The following SIPA1L3 variants were observed in gnomAD, a reference collection of about 807,000 sequenced individuals.
The protein encoded by SIPA1L3 is signal-induced proliferation-associated 1-like protein 3.
A neutral mutation model predicts 150.1 loss-of-function variants in SIPA1L3; 59 were observed. The ratio of observed to expected loss-of-function variants is 0.39; its 90% CI spans 0.32 to 0.49. The LOEUF (loss-of-function observed/expected upper bound fraction) is 0.49, where lower values mean the gene tolerates loss of function less well. Ranked by LOEUF, SIPA1L3 falls within the 20% of genes least tolerant of loss-of-function variation. The pLI, the probability that SIPA1L3 is intolerant of heterozygous loss-of-function variation, is 0.86. For missense variants in SIPA1L3, 2,211 were observed against 2,489.5 expected (o/e 0.89, Z 2.38); for synonymous variants, 1,070 against 1,077.6 (o/e 0.99, Z 0.14).
rs1969995176 is a variant in SIPA1L3 at position 38,081,979 on chromosome 19, C to G, written c.414C>G (p.Phe138Leu). Residue 138 changes from phenylalanine to leucine, a missense_variant, in exon 3 of 22, where the codon TTC becomes TTG. Phe to Leu is a conservative substitution (Grantham distance 22). Around this residue, in one of 5 missense-constraint regions of SIPA1L3, gnomAD observed 587 missense variants for 534.5 expected, o/e 1.10. Transcript: ENST00000222345. Reference sequence around the variant, plus strand: ...CGGCTTCCTCAGGGTCCAAAGCCTTCCACCGACTCTCCAGGAGAAGGTCCA... The same window carrying G: ...CGGCTTCCTCAGGGTCCAAAGCCTTGCACCGACTCTCCAGGAGAAGGTCCA... Reference protein sequence around the residue: ...STPASSGSKAFHRLSRRRSKD... With the variant: ...STPASSGSKALHRLSRRRSKD... The G allele has an allele frequency of 1.9e-6, 3 of 1,614,024 alleles. No individual in the cohort carries two copies. The Admixed American group carries it at 5.0e-5, about 27-fold the overall frequency.
intron 10 of SIPA1L3, among the ~76,000 whole-genome samples, chr19:38,132,541 GC>G (rs1319678686): frequency 7.0e-6 from 1 of 143,140 alleles, no homozygotes; most frequent in Non-Finnish European, 1.5e-5. Flanking sequence ...CTGAGATCGT[GC>G]CATTGCACTC....
chr19:37,940,913 T>C (rs1394421442), intron 1 of SIPA1L3, among the ~76,000 whole-genome samples: 2 of 152,090 alleles, frequency 1.3e-5, no homozygotes, highest in Non-Finnish European at 2.9e-5. Context: ...TTGCAGTTTA[T>C]ATGTTCAGAA....
rs540975039 is a variant in SIPA1L3 at position 38,047,780 on chromosome 19, G to T, written c.-311+18624G>T. On this transcript the variant is annotated intron_variant, in intron 2 of 21. Coordinates refer to ENST00000222345, the MANE Select transcript of SIPA1L3 (RefSeq NM_015073.3). The surrounding 1 kb of genome is among the most constrained non-coding windows in gnomAD (Gnocchi z 4.7). The stretch of plus-strand genomic sequence containing the variant: ...CACGTGTCATTTTAGAGACCCCAGC[G>T]GCAGTCCAGATCCTGAAGTCCGACC... Among the ~76,000 whole-genome samples, 1 of 152,136 alleles carries T rather than the reference G, an allele frequency of 6.6e-6. No homozygotes were observed. The highest frequency in any genetic ancestry group is 1.5e-5 in the Non-Finnish European group (1 of 68,036).
intron 1 of SIPA1L3, among the ~76,000 whole-genome samples, chr19:37,977,891 G>C (rs1967111538): frequency 6.6e-6 from 1 of 152,198 alleles, no homozygotes; most frequent in East Asian, 1.9e-4. Flanking sequence ...CTGGCCTTTA[G>C]GAGGTCCTTC....
intron 9 of SIPA1L3, among the ~76,000 whole-genome samples, chr19:38,121,187 T>TAAA (rs1487526020): frequency 6.6e-6 from 1 of 150,714 alleles, no homozygotes; most frequent in East Asian, 2.0e-4. Flanking sequence ...AAAAAAAAAA[T>TAAA]AAAAAAATAA....
intron 1 of SIPA1L3, among the ~76,000 whole-genome samples, chr19:37,994,627 G>A (rs538313916): frequency 6.6e-6 from 1 of 152,312 alleles, no homozygotes; most frequent in South Asian, 2.1e-4. Flanking sequence ...AGTGTTTATC[G>A]CTAGCGCCTT....
intron 9 of SIPA1L3, among the ~76,000 whole-genome samples, chr19:38,128,823 G>T (rs1971238896): frequency 6.6e-6 from 1 of 152,118 alleles, no homozygotes; most frequent in Non-Finnish European, 1.5e-5. Context: ...CTTGAACCAG[G>T]GAGGCGGAGG....
Position 38,082,025 on chromosome 19 carries a change from G to A in SIPA1L3, c.460G>A (p.Gly154Arg), listed in dbSNP as rs764251633. 11 of 1,613,998 alleles carry A rather than the reference G, an allele frequency of 6.8e-6. No homozygotes were observed. In the African/African-American group the frequency reaches 1.3e-4, roughly 20 times the overall value. The change falls in exon 3 of 22, where the codon GGG becomes AGG. Residue 154 changes from glycine to arginine, a missense_variant. Physicochemically the swap from Gly to Arg is moderately radical, Grantham distance 125. Coordinates refer to ENST00000222345, the MANE Select transcript of SIPA1L3 (RefSeq NM_015073.3). ...GTCCAAAGACGTGGAGTTCCAGGAC[G>A]GGTGGCCCCGGTCCCCCGGCAGGGC... ...RRSKDVEFQD[G>R]WPRSPGRAFL...
chr19:38,105,325 A>G (rs1020840652), intron 6 of SIPA1L3, among the ~76,000 whole-genome samples: 3 of 151,802 alleles, frequency 2.0e-5, no homozygotes, highest in Non-Finnish European at 4.4e-5. Context: ...ACATTGCGCC[A>G]TTGCTCTCCA....
chr19:38,186,314 T>G (rs1467276262), intron 16 of SIPA1L3: 1 of 151,956 alleles, frequency 6.6e-6, no homozygotes, highest in Admixed American at 6.6e-5. Flanking sequence ...ATCTATTTAT[T>G]TTATTTATTT....
chr19:38,151,757 G>A lies in SIPA1L3; in HGVS notation c.3534-1083G>A, dbSNP rs535561806. Among the ~76,000 whole-genome samples the A allele has an allele frequency of 9.2e-5, 14 of 152,150 alleles. No individual in the cohort carries two copies. In the South Asian group the frequency reaches 2.9e-3, roughly 32 times the overall value. ...GTAGGCAAATCGCTTGGGCCCAGGA[G>A]TTCAAGACCAGCCTGGGCAACATGG... is the stretch of plus-strand genomic sequence containing the variant. On this transcript the variant is annotated intron_variant, in intron 12 of 21. Coordinates refer to ENST00000222345, the MANE Select transcript of SIPA1L3 (RefSeq NM_015073.3).
intron 7 of SIPA1L3, among the ~76,000 whole-genome samples, chr19:38,108,110 G>C (rs993319428): frequency 2.0e-5 from 3 of 152,148 alleles, no homozygotes; most frequent in African/African-American, 7.2e-5. Context: ...TTGAGTCCCT[G>C]CTGTGTAAAA....
intron 1 of SIPA1L3, among the ~76,000 whole-genome samples, chr19:37,936,764 A>G (rs1212548089): frequency 1.3e-5 from 2 of 152,182 alleles, no homozygotes; most frequent in Non-Finnish European, 2.9e-5. Context: ...GCATGTACTG[A>G]ACCATTTGGC....
At position 38,192,145 on chromosome 19, in the gene SIPA1L3, G is replaced by A. The variant is rs748604978; in HGVS notation, c.4431G>A (p.Lys1477=). 9.4e-6 allele frequency: 15 copies of A among 1,599,460 alleles called. No individual in the cohort carries two copies. The highest frequency in any genetic ancestry group is 1.3e-5 in the Non-Finnish European group (15 of 1,173,598). Residue 1477 remains lysine, a splice_region_variant and synonymous_variant, in exon 17 of 22, where the codon AAG becomes AAA. Transcript: ENST00000222345. ...PRPLPFSDPK[K]QVDTNTKNVF... ...TCTGACCCTGACGCTGTCATTCCAG[G>A]CAGGTGGACACGAACACCAAAAATG...
intron 1 of SIPA1L3, among the ~76,000 whole-genome samples, chr19:37,992,617 C>CT (rs908722967): frequency 2.7e-5 from 4 of 150,588 alleles, no homozygotes; most frequent in Admixed American, 2.0e-4. Context: ...CGCCACTGTA[C>CT]TCCAGCCTGG....
chr19:38,102,249 A>T (rs2569416), intron 6 of SIPA1L3, among the ~76,000 whole-genome samples: 18,804 of 144,060 alleles, frequency 0.13, 1,419 homozygotes, highest in African/African-American at 0.16. Flanking sequence ...GATTTACTAT[A>T]TTGGCCAGGT....
At position 38,206,195 on chromosome 19, in the gene SIPA1L3, GC is replaced by G; in HGVS notation, c.5302del (p.Arg1768AlafsTer65). On this transcript the variant is annotated frameshift_variant, in exon 22 of 22. Coordinates refer to ENST00000222345, the MANE Select transcript of SIPA1L3 (RefSeq NM_015073.3). LOFTEE classifies it high-confidence loss of function. ...EESQAASEQL[R>X]KFAEIFCREK... ...AGTCGCAGGCCGCCAGCGAGCAGCTGCGCAAGTTTGCGGAGATCTTCTGCAG... is the reference window on the plus strand; with the variant it reads ...AGTCGCAGGCCGCCAGCGAGCAGCTGGCAAGTTTGCGGAGATCTTCTGCAG... 6.4e-7 allele frequency: 1 copy of G among 1,560,468 alleles called. No individual in the cohort carries two copies. Among genetic ancestry groups the G allele is most frequent in the Non-Finnish European group, 8.7e-7 (1 of 1,152,262 alleles).
chr19:37,955,579 G>C (rs1396309862), intron 1 of SIPA1L3, among the ~76,000 whole-genome samples: 2 of 152,114 alleles, frequency 1.3e-5, no homozygotes, highest in Admixed American at 6.6e-5. Flanking sequence ...CTTTGTCTCT[G>C]TAGATTTGCG....
intron 1 of SIPA1L3, among the ~76,000 whole-genome samples, chr19:37,936,889 T>C (rs2046605704): frequency 6.6e-6 from 1 of 152,268 alleles, no homozygotes; most frequent in African/African-American, 2.4e-5. Flanking sequence ...CCACTCCTGC[T>C]TCCTGCCTCA....
Sources: allele counts gnomAD v4.1 joint callset (sites outside exome capture counted in the v4.1 genomes callset), GRCh38; gene constraint gnomAD v4.1.1; regional missense constraint gnomAD v4.1.1; non-coding constraint Gnocchi (gnomAD v3.1); transcripts MANE v1.5; gene names NCBI Gene and HGNC (gene_info 2026-07-23, HGNC 2026-07-21).